CMC4: variants seen among roughly 807,000 people sequenced by gnomAD.
CMC4 encodes C-X9-C motif containing 4.
Under a neutral mutation model 5.1 loss-of-function variants are expected in CMC4, and 4 were observed. The ratio of observed to expected loss-of-function variants is 0.78; its 90% CI spans 0.38 to 1.78. The LOEUF is 1.78. Among genes scored for constraint, CMC4 ranks in the 40% most tolerant of loss-of-function variants. CMC4 has a pLI of 0.04. For synonymous variants in CMC4, 23 were observed against 18.9 expected (o/e 1.22, Z -0.57); for missense variants, 52 against 51.3 (o/e 1.01, Z -0.04).
Position 155,064,081 on chromosome X carries a change from T to C in CMC4, c.-10-48A>G. Reference sequence around the variant, plus strand: ...TATTTTTCTTTTTTCCATAAAGACTTTAAAGCCCCTCTACGTGGAATTTTC... The same window carrying C: ...TATTTTTCTTTTTTCCATAAAGACTCTAAAGCCCCTCTACGTGGAATTTTC... On this transcript the variant is annotated intron_variant, in intron 1 of 2. Coordinates refer to ENST00000369484, the MANE Select transcript of CMC4 (RefSeq NM_001018024.3). 4 of 1,032,388 alleles carry C rather than the reference T, an allele frequency of 3.9e-6. No homozygotes were observed. The South Asian group carries it at 6.6e-5, about 17-fold the overall frequency. The allele number at this position is 1,032,388 out of a possible 1,213,427, so 85.1% of individuals were successfully genotyped here.
chrX:155,063,924 C>G (rs377119606), intron 2 of CMC4, 42 bp downstream of exon 2: 27 of 1,057,653 alleles, frequency 2.6e-5, no homozygotes, highest in Non-Finnish European at 3.3e-5. Flanking sequence ...ATAGTTAGTT[C>G]ACAGTGGAAA....
At chrX:155,062,034 C>T in intron 2 of CMC4, 43 bp from the exon 3 acceptor site, 1 of 1,173,498 alleles carries the variant, frequency 8.5e-7, no homozygotes, top group East Asian at 3.0e-5. Flanking sequence ...TCTCATAGGA[C>T]TAAGGTACAG....
intron 1 of CMC4, among the ~76,000 whole-genome samples, chrX:155,067,938 C>A (rs1321434253): frequency 8.0e-5 from 9 of 112,335 alleles, no homozygotes; most frequent in African/African-American, 2.9e-4. Context: ...TCCAAAGCCC[C>A]CCTTTTTTCC....
chrX:155,065,283 GT>G, intron 1 of CMC4: 1 of 441,611 alleles, frequency 2.3e-6, no homozygotes, highest in Non-Finnish European at 4.0e-6. Context: ...TTCTTGAGCA[GT>G]TTTTCAACCC....
At chrX:155,064,317 C>T (rs1204477988) in intron 1 of CMC4, 8 of 183,613 alleles carry the variant, frequency 4.4e-5, no homozygotes, top group South Asian at 2.6e-4. Flanking sequence ...GAGGAGCCGA[C>T]GGCGCAGCCT....
intron 1 of CMC4, chrX:155,064,248 G>GA (rs1330306072): frequency 1.6e-4 from 43 of 268,960 alleles, no homozygotes; most frequent in East Asian, 5.9e-4. Flanking sequence ...GCTTTACATG[G>GA]AAAAAAAACC....
chrX:155,066,648 AT>A (rs2073949558), intron 1 of CMC4, among the ~76,000 whole-genome samples: 1 of 112,219 alleles, frequency 8.9e-6, no homozygotes, highest in East Asian at 2.8e-4. Context: ...CTAGAAGGGG[AT>A]TTTCTTGTTA....
At chrX:155,064,818 G>GC (rs781824354) in intron 1 of CMC4, 1 of 112,343 alleles carries the variant, frequency 8.9e-6, no homozygotes, top group East Asian at 2.8e-4. Flanking sequence ...AGGCCCACAA[G>GC]CCTTTGTAGC....
At position 155,061,706 on chromosome X, in the gene CMC4, G is replaced by A; in HGVS notation, c.*137C>T. The A allele has an allele frequency of 1.6e-6, 1 of 643,773 alleles. No homozygotes were observed. 53.1% of individuals were successfully genotyped at this position (643,773 alleles called of 1,213,427 possible). On this transcript the variant is annotated 3_prime_UTR_variant, in exon 3 of 3. Coordinates refer to ENST00000369484, the MANE Select transcript of CMC4 (RefSeq NM_001018024.3). ...TTTTAATGTGTTTATATTTCTGCCTGTTCTGCATAGATGGCATATTCATTA... is the reference window on the plus strand; with the variant it reads ...TTTTAATGTGTTTATATTTCTGCCTATTCTGCATAGATGGCATATTCATTA...
In CMC4 at chrX:155,065,819, C is replaced by T. The variant is rs370722773; in HGVS notation, c.-10-1786G>A. 5 of 1,200,985 alleles carry T rather than the reference C, an allele frequency of 4.2e-6. No individual in the cohort carries two copies. The African/African-American group carries it at 8.8e-5, about 21-fold the overall frequency. On this transcript the variant is annotated intron_variant, in intron 1 of 2. Coordinates refer to ENST00000369484, the MANE Select transcript of CMC4 (RefSeq NM_001018024.3). Reference sequence around the variant, plus strand: ...TGGAAAGGAATGATCAAAAATAAAACCAAAGACTTCAGAATATTGAGACTG... The same window carrying T: ...TGGAAAGGAATGATCAAAAATAAAATCAAAGACTTCAGAATATTGAGACTG...
chrX:155,062,248 T>C (rs1324874380), intron 2 of CMC4, among the ~76,000 whole-genome samples: 1 of 112,353 alleles, frequency 8.9e-6, no homozygotes, highest in Non-Finnish European at 1.9e-5. Flanking sequence ...TATGCACCTT[T>C]TTCTAGGACA....
Position 155,061,718 on chromosome X carries a change from T to C in CMC4, c.*125A>G, listed in dbSNP as rs1569560343. Reference sequence around the variant, plus strand: ...TATATTTCTGCCTGTTCTGCATAGATGGCATATTCATTAACTTTTGTAGCT... The same window carrying C: ...TATATTTCTGCCTGTTCTGCATAGACGGCATATTCATTAACTTTTGTAGCT... On this transcript the variant is annotated 3_prime_UTR_variant, in exon 3 of 3. Transcript: ENST00000369484. The C allele has an allele frequency of 1.2e-5, 9 of 722,071 alleles. No homozygotes were observed. Among genetic ancestry groups the C allele is most frequent in the African/African-American group, 2.2e-5 (1 of 46,214 alleles). 59.5% of individuals were successfully genotyped at this position (722,071 alleles called of 1,213,427 possible).
chrX:155,063,142 C>T (rs1557291744), intron 2 of CMC4, among the ~76,000 whole-genome samples: 2 of 112,049 alleles, frequency 1.8e-5, no homozygotes, highest in East Asian at 5.6e-4. Context: ...TATTATACAT[C>T]CAGATTTTAA....
Position 155,064,015 on chromosome X carries a change from C to A in CMC4, c.9G>T (p.Gln3His). The A allele has an allele frequency of 8.4e-7, 1 of 1,193,137 alleles. No individual in the cohort carries two copies. The highest frequency in any genetic ancestry group is 1.8e-5 in the African/African-American group (1 of 56,722). Residue 3 changes from glutamine to histidine, a missense_variant, in exon 2 of 3, where the codon CAG (glutamine) becomes CAT (histidine). Transcript: ENST00000369484. MP[Q>H]KDPCQKQACE... is the part of the protein sequence containing the mutation. ...AGGCTTGCTTCTGGCACGGATCCTT[C>A]TGCGGCATATCCAGAAAACTAAAAC...
In CMC4 at chrX:155,065,864, T is replaced by C. The variant is rs1557291977; in HGVS notation, c.-10-1831A>G. On this transcript the variant is annotated intron_variant, in intron 1 of 2. Transcript: ENST00000369484. Reference sequence around the variant, plus strand: ...AGACTGGAATAGAAACCAAGTTACTTGAAAGCAAAATCAAAGAAATAAGCA... The same window carrying C: ...AGACTGGAATAGAAACCAAGTTACTCGAAAGCAAAATCAAAGAAATAAGCA... 5 of 1,199,597 alleles carry C rather than the reference T, an allele frequency of 4.2e-6. No individual in the cohort carries two copies. In the Admixed American group the frequency reaches 8.8e-5, roughly 21 times the overall value.
chrX:155,066,550 T>C (rs981316691), intron 1 of CMC4, among the ~76,000 whole-genome samples: 17 of 112,503 alleles, frequency 1.5e-4, no homozygotes, highest in African/African-American at 4.5e-4. Flanking sequence ...TGCATGTCTT[T>C]CAGAGTTGAA....
chrX:155,061,794 TA>T lies in CMC4; in HGVS notation c.*48del. Reference sequence around the variant, plus strand: ...TACCTGGCCTGAAGAGTCAGGAGGATAAAAAAAATTCATTTGGTGGAAACAT... The same window carrying T: ...TACCTGGCCTGAAGAGTCAGGAGGATAAAAAAATTCATTTGGTGGAAACAT... On this transcript the variant is annotated 3_prime_UTR_variant, in exon 3 of 3. Coordinates refer to ENST00000369484, the MANE Select transcript of CMC4 (RefSeq NM_001018024.3). 5.1e-6 allele frequency: 6 copies of T among 1,185,736 alleles called. No individual in the cohort carries two copies. The highest frequency in any genetic ancestry group is 1.9e-5 in the South Asian group (1 of 52,821).
intron 1 of CMC4, among the ~76,000 whole-genome samples, chrX:155,067,940 CT>C (rs1279295608): frequency 3.6e-5 from 4 of 112,526 alleles, no homozygotes; most frequent in African/African-American, 9.7e-5. Flanking sequence ...CAAAGCCCCC[CT>C]TTTTTCCCAT....
At chrX:155,065,803 A>G (rs2073946136) in intron 1 of CMC4, 1 of 1,203,510 alleles carries the variant, frequency 8.3e-7, no homozygotes, top group African/African-American at 1.8e-5. Context: ...ATGGAAAGGA[A>G]TGATCAAAAA....
Sources: allele counts gnomAD v4.1 joint callset (sites outside exome capture counted in the v4.1 genomes callset), GRCh38; gene constraint gnomAD v4.1.1; transcripts MANE v1.5; gene names NCBI Gene and HGNC (gene_info 2026-07-23, HGNC 2026-07-21).